ANO2: variants seen among roughly 807,000 people sequenced by gnomAD.
The protein encoded by ANO2 is anoctamin 2.
In ANO2, 101 loss-of-function variants were observed where a neutral mutation model predicts 124.2. The ratio of observed to expected loss-of-function variants is 0.81; its 90% CI spans 0.69 to 0.96. The LOEUF is 0.96. Among genes scored for constraint, ANO2 ranks in the 40% least tolerant of loss-of-function variants. The probability of loss-of-function intolerance (pLI) is 0.00; values close to 1 mark genes in which losing one functional copy is unlikely to be tolerated. For synonymous variants in ANO2, 486 were observed against 482.5 expected (o/e 1.01, Z -0.09); for missense variants, 1,293 against 1,274.5 (o/e 1.01, Z -0.22).
chr12:5,732,471 G>T lies in ANO2; in HGVS notation c.1545+49C>A, dbSNP rs1339240888. The T allele has an allele frequency of 2.0e-6, 3 of 1,513,592 alleles. No individual in the cohort carries two copies. The African/African-American group carries it at 4.1e-5, about 21-fold the overall frequency. 93.8% of individuals were successfully genotyped at this position (1,513,592 alleles called of 1,614,324 possible). A position where few individuals can be genotyped will look rare whatever the true frequency, so the allele number is the denominator to read the frequency against. ...AGGCGTGCCAAACAAAATGACAACA[G>T]GATCTCAACAAGTAAAGAGGACCGT... is the stretch of plus-strand genomic sequence containing the variant. On this transcript the variant is annotated intron_variant, in intron 14 of 24. Transcript: ENST00000682330.
chr12:5,701,086 A>AGG (rs1172705628), intron 14 of ANO2, among the ~76,000 whole-genome samples: 15 of 63,708 alleles, frequency 2.4e-4, no homozygotes, highest in Non-Finnish European at 3.9e-4. Context: ...AGTCATTTTC[A>AGG]ATTTTTTTTT....
chr12:5,617,529 C>T (rs1431091306), intron 16 of ANO2, among the ~76,000 whole-genome samples: 2 of 151,456 alleles, frequency 1.3e-5, no homozygotes, highest in African/African-American at 2.4e-5. Context: ...CAAGATCACA[C>T]CGTACCACAC....
Position 5,862,162 on chromosome 12 carries a change from C to G in ANO2, c.535-8021G>C, listed in dbSNP as rs1383215929. 6.6e-6 allele frequency among the ~76,000 whole-genome samples: 1 copy of G among 152,124 alleles called. No homozygotes were observed. The highest frequency in any genetic ancestry group is 1.9e-4 in the East Asian group (1 of 5,176). ...CTAGGGAAGGAAAGGTGGAAATCTG[C>G]TCTGCTGGGAGCTCCTGGATGAGAG... On this transcript the variant is annotated intron_variant, in intron 3 of 24. Transcript: ENST00000682330. This position sits in a 1 kb window ranked among gnomAD's most constrained non-coding sequence, Gnocchi z 4.0.
In ANO2 at chr12:5,832,522, G is replaced by A. The variant is rs756606568; in HGVS notation, c.715C>T (p.Arg239Ter). 58 of 1,613,830 alleles carry A rather than the reference G, an allele frequency of 3.6e-5. No individual in the cohort carries two copies. Among genetic ancestry groups the A allele is most frequent in the South Asian group, 4.4e-5 (4 of 91,074 alleles). Residue 239 changes from arginine (R) to a stop codon, truncating the protein, a stop_gained, in exon 5 of 25, where the codon CGA becomes TGA. Transcript: ENST00000682330. LOFTEE classifies it high-confidence loss of function. The part of the protein sequence containing the change: ...LQKLSSHLQP[R>*]VPEHSNNKMK... ...TTGTTGTTGCTGTGTTCTGGAACTC[G>A]GGGCTGCAGGTGCGAGCTCAGCTTC...
intron 1 of ANO2, among the ~76,000 whole-genome samples, chr12:5,942,674 G>A (rs1942942455): frequency 6.6e-6 from 1 of 152,310 alleles, no homozygotes; most frequent in South Asian, 2.1e-4. Flanking sequence ...GGGTTCTTTT[G>A]CCTTTACTTC....
intron 3 of ANO2, chr12:5,858,586 A>C (rs943145352): frequency 3.3e-5 from 5 of 152,224 alleles, no homozygotes; most frequent in African/African-American, 1.2e-4. Flanking sequence ...AGCTTAGGCA[A>C]GTCACTTAAC....
At position 5,891,425 on chromosome 12, in the gene ANO2, T is replaced by G. The variant is rs926642135; in HGVS notation, c.534+29615A>C. The stretch of plus-strand genomic sequence containing the variant: ...TTCACCACTTGGCCCCAGACACAGG[T>G]GCAGTTTTGGGAAGTATGTGGCAGA... On this transcript the variant is annotated intron_variant, in intron 3 of 24. Coordinates refer to ENST00000682330, the MANE Select transcript of ANO2 (RefSeq NM_001364791.2). Among the ~76,000 whole-genome samples, 3 of 152,252 alleles carry G rather than the reference T, an allele frequency of 2.0e-5. No homozygotes were observed. The South Asian group carries it at 6.2e-4, about 32-fold the overall frequency.
chr12:5,565,826 C>T (rs534663289), intron 23 of ANO2, among the ~76,000 whole-genome samples, 163 bp from the exon 24 acceptor site: 2 of 152,242 alleles, frequency 1.3e-5, no homozygotes, highest in South Asian at 2.1e-4. Context: ...GCCTAACCAA[C>T]AAATTTCCAA....
At chr12:5,918,597 G>A (rs1404302464) in intron 3 of ANO2, among the ~76,000 whole-genome samples, 3 of 151,950 alleles carry the variant, frequency 2.0e-5, no homozygotes, top group African/African-American at 2.4e-5. Flanking sequence ...GCACCATCAC[G>A]CCTGGCTAAC....
At chr12:5,640,877 C>T (rs560126530) in intron 15 of ANO2, among the ~76,000 whole-genome samples, 55 of 152,294 alleles carry the variant, frequency 3.6e-4, no homozygotes, top group East Asian at 2.7e-3. Context: ...CTACTGGGTA[C>T]ATACCCAAAG....
At chr12:5,650,189 T>G (rs1200201033) in intron 14 of ANO2, among the ~76,000 whole-genome samples, 1 of 152,134 alleles carries the variant, frequency 6.6e-6, no homozygotes, top group Non-Finnish European at 1.5e-5. Context: ...AAGGTTCAGC[T>G]CTGCCCAGGA....
At chr12:5,811,052 A>C (rs1440426815) in intron 7 of ANO2, among the ~76,000 whole-genome samples, 1 of 152,232 alleles carries the variant, frequency 6.6e-6, no homozygotes, top group Non-Finnish European at 1.5e-5. Flanking sequence ...CTACCTCCCA[A>C]AGAGTCTCAT....
At chr12:5,715,588 C>A (rs943421906) in intron 14 of ANO2, among the ~76,000 whole-genome samples, 6 of 152,220 alleles carry the variant, frequency 3.9e-5, no homozygotes, top group African/African-American at 1.4e-4. Context: ...AGAGCAACAG[C>A]CTCCTGCTGT....
intron 19 of ANO2, 142 bp downstream of exon 19, chr12:5,612,514 A>G (rs1486035286): frequency 5.7e-6 from 4 of 698,168 alleles, no homozygotes; most frequent in Non-Finnish European, 9.7e-6. Flanking sequence ...CCCCATGGGG[A>G]AAGTTATTGG....
intron 3 of ANO2, among the ~76,000 whole-genome samples, chr12:5,869,825 A>G (rs1381988705): frequency 1.3e-5 from 2 of 152,164 alleles, no homozygotes; most frequent in African/African-American, 4.8e-5. Flanking sequence ...CTTTCAGCTG[A>G]TAACTTCAAA....
intron 14 of ANO2, among the ~76,000 whole-genome samples, chr12:5,649,579 C>T (rs1356641761): frequency 1.3e-5 from 2 of 152,120 alleles, no homozygotes; most frequent in African/African-American, 2.4e-5. Context: ...CTTAGTTTCA[C>T]TCACACACTA....
intron 16 of ANO2, among the ~76,000 whole-genome samples, chr12:5,616,737 C>T (rs1944828104): frequency 6.6e-6 from 1 of 152,138 alleles, no homozygotes; most frequent in Non-Finnish European, 1.5e-5. Context: ...AACTTTGTTT[C>T]TTCCAAGGAA....
intron 17 of ANO2, 149 bp from the exon 18 acceptor site, chr12:5,613,107 C>T: frequency 1.3e-6 from 1 of 741,118 alleles, no homozygotes; most frequent in Admixed American, 2.1e-5. Context: ...GATAGGAGTG[C>T]ACACTGTTAT....
chr12:5,708,292 C>G (rs1398969690), intron 14 of ANO2, among the ~76,000 whole-genome samples: 1 of 152,220 alleles, frequency 6.6e-6, no homozygotes, highest in Non-Finnish European at 1.5e-5. Flanking sequence ...ACACTCTCCA[C>G]AGAACATTTT....
Sources: allele counts gnomAD v4.1 joint callset (sites outside exome capture counted in the v4.1 genomes callset), GRCh38; gene constraint gnomAD v4.1.1; non-coding constraint Gnocchi (gnomAD v3.1); transcripts MANE v1.5; gene names NCBI Gene and HGNC (gene_info 2026-07-23, HGNC 2026-07-21).